The following ABAT variants were observed in gnomAD, a reference collection of about 807,000 sequenced individuals.
ABAT encodes the protein 4-aminobutyrate aminotransferase, mitochondrial.
A neutral mutation model predicts 64.6 loss-of-function variants in ABAT; 45 were observed. The observed-to-expected ratio is 0.70, with a 90% CI of 0.55 to 0.89. The LOEUF is 0.89. Ranked by LOEUF, ABAT falls within the 40% of genes least tolerant of loss-of-function variation. The pLI is 0.00. For synonymous variants in ABAT, 297 were observed against 250.5 expected (o/e 1.19, Z -1.75); for missense variants, 633 against 658.4 (o/e 0.96, Z 0.42).
At chr16:8,714,365 G>C (rs557498431) in intron 1 of ABAT, among the ~76,000 whole-genome samples, 1 of 152,344 alleles carries the variant, frequency 6.6e-6, no homozygotes, top group East Asian at 1.9e-4. Flanking sequence ...GGAAGGCTCA[G>C]GGGGCGCTGT....
intron 1 of ABAT, among the ~76,000 whole-genome samples, chr16:8,676,201 G>A (rs1007470530): frequency 1.3e-5 from 2 of 152,084 alleles, no homozygotes; most frequent in Non-Finnish European, 2.9e-5. Context: ...CACGGGGAGA[G>A]GTAAATGGTC....
chr16:8,710,878 A>G (rs2058056358), intron 1 of ABAT, among the ~76,000 whole-genome samples: 1 of 152,160 alleles, frequency 6.6e-6, no homozygotes, highest in Non-Finnish European at 1.5e-5. Flanking sequence ...TGGTTTCTAC[A>G]GGAGTCTTTA....
chr16:8,771,595 A>C (rs2142992247), intron 11 of ABAT, among the ~76,000 whole-genome samples: 2 of 151,538 alleles, frequency 1.3e-5, no homozygotes, highest in South Asian at 4.2e-4. Flanking sequence ...CAGCCACTGG[A>C]GTAGCTGGGA....
At chr16:8,757,221 G>A (rs944527804) in intron 5 of ABAT, 5 of 449,868 alleles carry the variant, frequency 1.1e-5, no homozygotes, top group African/African-American at 1.0e-4. Flanking sequence ...AGGCTGGAGT[G>A]CAGTGGCGTG....
Position 8,764,865 on chromosome 16 carries a change from AGGCTCCCCAGCACCCAGC to A in ABAT, c.540+36_540+53del. On this transcript the variant is annotated intron_variant, in intron 8 of 15. Coordinates refer to ENST00000268251, the MANE Select transcript of ABAT (RefSeq NM_020686.6). This position sits in a 1 kb window ranked among gnomAD's most constrained non-coding sequence, Gnocchi z 4.2. ...GGGGCACACACACACACACACACAC[AGGCTCCCCAGCACCCAGC>A]CACACGCTCACCCCTTGTCTGACTG... 8 of 1,523,390 alleles carry A rather than the reference AGGCTCCCCAGCACCCAGC, an allele frequency of 5.3e-6. No homozygotes were observed. The highest frequency in any genetic ancestry group is 1.4e-5 in the African/African-American group (1 of 72,962). The allele number at this position is 1,523,390 out of a possible 1,614,324, so 94.4% of individuals were successfully genotyped here. A position where few individuals can be genotyped will look rare whatever the true frequency, so the allele number is the denominator to read the frequency against.
chr16:8,769,027 C>A, intron 11 of ABAT, 54 bp downstream of exon 11: 1 of 1,610,360 alleles, frequency 6.2e-7, no homozygotes, highest in South Asian at 1.1e-5. Flanking sequence ...TTGCTCTTGC[C>A]GCCCCAAGAC....
intron 12 of ABAT, 47 bp downstream of exon 12, chr16:8,772,964 G>A: frequency 6.2e-7 from 1 of 1,611,770 alleles, no homozygotes; most frequent in Non-Finnish European, 8.5e-7. Context: ...GGTTTTCTGG[G>A]TTGAGTTCCC....
intron 9 of ABAT, 115 bp from the exon 10 acceptor site, chr16:8,768,078 G>A: frequency 8.6e-7 from 1 of 1,166,790 alleles, no homozygotes; most frequent in Non-Finnish European, 1.3e-6. Flanking sequence ...TTTTGCCTGA[G>A]AAGGATTCCT....
At chr16:8,715,912 C>T (rs1280122727) in intron 1 of ABAT, among the ~76,000 whole-genome samples, 1 of 152,100 alleles carries the variant, frequency 6.6e-6, no homozygotes, top group Non-Finnish European at 1.5e-5. Flanking sequence ...ATCACAATGT[C>T]CACAACTAAC....
rs750778171 is a variant in ABAT, at chr16:8,776,415, C to T, written c.1194C>T (p.Ile398=). 1.2e-5 allele frequency: 19 copies of T among 1,614,114 alleles called. No homozygotes were observed. In the African/African-American group the frequency reaches 1.3e-4, roughly 11 times the overall value. ...TGTTGCTGGCTGAGGTCATCAACAT[C>T]ATCAAGCGGGAGGACCTGCTAAATA... ...KNLLLAEVIN[I]IKREDLLNNA... Residue 398 remains isoleucine, a synonymous_variant, in exon 14 of 16, where the codon ATC becomes ATT. Coordinates refer to ENST00000268251, the MANE Select transcript of ABAT (RefSeq NM_020686.6). The surrounding 1 kb of genome is among the most constrained non-coding windows in gnomAD (Gnocchi z 4.4).
chr16:8,723,981 C>T (rs2058460412), intron 1 of ABAT, among the ~76,000 whole-genome samples: 1 of 151,334 alleles, frequency 6.6e-6, no homozygotes, highest in Non-Finnish European at 1.5e-5. Context: ...GCTGGGATTA[C>T]AGGTGCACGC....
intron 1 of ABAT, among the ~76,000 whole-genome samples, chr16:8,694,492 GC>G (rs2057657983): frequency 6.6e-6 from 1 of 151,856 alleles, no homozygotes; most frequent in Admixed American, 6.6e-5. Flanking sequence ...CTGGGCTTAA[GC>G]AATTCTCCCG....
chr16:8,729,543 G>T (rs2058658283), intron 1 of ABAT, among the ~76,000 whole-genome samples: 1 of 152,098 alleles, frequency 6.6e-6, no homozygotes, highest in Non-Finnish European at 1.5e-5. Flanking sequence ...ACAAAGACCA[G>T]GCACCATGCC....
chr16:8,689,768 C>T (rs1225052968), intron 1 of ABAT, among the ~76,000 whole-genome samples: 1 of 152,110 alleles, frequency 6.6e-6, no homozygotes, highest in East Asian at 1.9e-4. Context: ...AAGGGAAAAG[C>T]ATTTTGGGTG....
intron 1 of ABAT, among the ~76,000 whole-genome samples, chr16:8,725,673 A>C (rs116566945): frequency 6.6e-6 from 1 of 152,076 alleles, no homozygotes; most frequent in Non-Finnish European, 1.5e-5. Context: ...TAGTGCTGCT[A>C]TGTGTATTTG....
intron 1 of ABAT, among the ~76,000 whole-genome samples, chr16:8,685,689 A>T (rs974911920): frequency 6.6e-5 from 10 of 152,184 alleles, no homozygotes; most frequent in African/African-American, 2.2e-4. Flanking sequence ...ACAAAAACAA[A>T]AAAACAAACA....
intron 5 of ABAT, among the ~76,000 whole-genome samples, chr16:8,752,664 GGCT>G (rs2059522970): frequency 6.6e-6 from 1 of 152,138 alleles, no homozygotes; most frequent in South Asian, 2.1e-4. Context: ...CTACTCTGGA[GGCT>G]CAGTCAGGAG....
chr16:8,763,123 G>A (rs984068361), intron 6 of ABAT, among the ~76,000 whole-genome samples: 9 of 128,842 alleles, frequency 7.0e-5, no homozygotes, highest in South Asian at 2.5e-4. Context: ...AAAAAAAAAA[G>A]CCCTTCCAGG....
rs370779451 is a variant in ABAT, at chr16:8,725,009, C to A, written c.-41-10690C>A. 2.3e-4 allele frequency among the ~76,000 whole-genome samples: 35 copies of A among 151,822 alleles called. No homozygotes were observed. In the East Asian group the frequency reaches 6.8e-3, roughly 30 times the overall value. On this transcript the variant is annotated intron_variant, in intron 1 of 15. Coordinates refer to ENST00000268251, the MANE Select transcript of ABAT (RefSeq NM_020686.6). ...TCGGCTCACCGCAACCTCCGCCTCC[C>A]GGGTCCAAGCGATTCTCCCGCCTCA... is the stretch of plus-strand genomic sequence containing the variant.
Sources: gnomAD v4.1 joint callset for allele counts (sites outside exome capture counted in the v4.1 genomes callset) on GRCh38, gnomAD v4.1.1 for gene constraint, Gnocchi (gnomAD v3.1) non-coding constraint, MANE v1.5 for transcripts, NCBI Gene and HGNC (gene_info 2026-07-23, HGNC 2026-07-21) for gene names.